PTPRD: variants seen among roughly 807,000 people sequenced by gnomAD.
The protein encoded by PTPRD is protein tyrosine phosphatase receptor type D.
Under a neutral mutation model 214.5 loss-of-function variants are expected in PTPRD, and 34 were observed. The observed-to-expected ratio is 0.16, with a 90% CI of 0.12 to 0.21. The LOEUF (loss-of-function observed/expected upper bound fraction) is 0.21. Among genes scored for constraint, PTPRD ranks in the 10% least tolerant of loss-of-function variants. PTPRD has a pLI of 1.00. For missense variants in PTPRD, 2,545 were observed against 2,398.7 expected, an observed-to-expected ratio of 1.06 and a Z score of -1.27; for synonymous variants, 1,128 against 845.7, an observed-to-expected ratio of 1.33 and a Z score of -5.79.
At chr9:9,120,240 A>C (rs2099816318) in intron 10 of PTPRD, among the ~76,000 whole-genome samples, 1 of 152,330 alleles carries the variant, frequency 6.6e-6, no homozygotes, top group East Asian at 1.9e-4. Context: ...TATTTGAAGA[A>C]AGATGTCATT....
At chr9:9,811,842 G>A (rs894921317) in intron 5 of PTPRD, among the ~76,000 whole-genome samples, 4 of 152,148 alleles carry the variant, frequency 2.6e-5, no homozygotes, top group African/African-American at 9.7e-5. Flanking sequence ...AGTTTGAGGG[G>A]ATTGACTCTA....
At chr9:9,414,048 G>A (rs1433459902) in intron 8 of PTPRD, among the ~76,000 whole-genome samples, 2 of 152,128 alleles carry the variant, frequency 1.3e-5, no homozygotes, top group Non-Finnish European at 2.9e-5. Context: ...GCTCTATTGA[G>A]AATTCACCTC....
chr9:9,162,657 G>A (rs2099892426), intron 10 of PTPRD, among the ~76,000 whole-genome samples: 1 of 151,994 alleles, frequency 6.6e-6, no homozygotes. Context: ...ATTTCATCAT[G>A]CATGGTTTTT....
intron 11 of PTPRD, among the ~76,000 whole-genome samples, chr9:8,766,348 T>A (rs1390811163): frequency 6.6e-6 from 1 of 152,070 alleles, no homozygotes; most frequent in African/African-American, 2.4e-5. Flanking sequence ...TGTCCCAGTG[T>A]CAGTGAGTAA....
At chr9:10,069,007 C>T (rs1021002617) in intron 3 of PTPRD, among the ~76,000 whole-genome samples, 2 of 151,980 alleles carry the variant, frequency 1.3e-5, no homozygotes, top group African/African-American at 2.4e-5. Flanking sequence ...AATCTTTGCC[C>T]TTCAGCAAAA....
intron 3 of PTPRD, among the ~76,000 whole-genome samples, chr9:10,208,683 A>G (rs543530923): frequency 6.6e-6 from 1 of 152,210 alleles, no homozygotes; most frequent in Non-Finnish European, 1.5e-5. Context: ...CATGCCCTGA[A>G]TTTTTGTCAA....
intron 2 of PTPRD, among the ~76,000 whole-genome samples, chr9:10,535,110 A>C (rs1250137035): frequency 2.6e-5 from 4 of 152,138 alleles, no homozygotes; most frequent in Admixed American, 6.6e-5. Context: ...TCAGGAACTG[A>C]CTAATGTGAA....
chr9:9,335,882 T>C (rs111283179), intron 9 of PTPRD, among the ~76,000 whole-genome samples: 21 of 152,178 alleles, frequency 1.4e-4, no homozygotes, highest in African/African-American at 4.8e-4. Context: ...AAATGTAACA[T>C]GTTCAAATAC....
chr9:10,360,876 G>A (rs1351813038), intron 2 of PTPRD, among the ~76,000 whole-genome samples: 1 of 152,148 alleles, frequency 6.6e-6, no homozygotes, highest in Non-Finnish European at 1.5e-5. Context: ...GCCAAGACGG[G>A]CAGATCGCGA....
intron 39 of PTPRD, among the ~76,000 whole-genome samples, chr9:8,372,408 TTA>T (rs2081836519): frequency 6.6e-6 from 1 of 152,066 alleles, no homozygotes. Flanking sequence ...TGTATCTATT[TTA>T]TGTCATCTTA....
intron 8 of PTPRD, among the ~76,000 whole-genome samples, chr9:9,495,477 C>T (rs986824650): frequency 6.6e-6 from 1 of 152,070 alleles, no homozygotes; most frequent in Non-Finnish European, 1.5e-5. Flanking sequence ...AAAAACCCTA[C>T]AGCCCGCCCT....
chr9:8,421,405 C>G (rs1263949530), intron 35 of PTPRD, among the ~76,000 whole-genome samples: 1 of 145,360 alleles, frequency 6.9e-6, no homozygotes, highest in Non-Finnish European at 1.5e-5. Context: ...TTTCTCTCAA[C>G]TTATGCATGT....
At chr9:10,224,510 C>T (rs1020790185) in intron 3 of PTPRD, among the ~76,000 whole-genome samples, 1 of 151,904 alleles carries the variant, frequency 6.6e-6, no homozygotes, top group African/African-American at 2.4e-5. Context: ...TTTAAATTAT[C>T]GTATGATTTT....
chr9:9,881,016 C>A (rs2068511437), intron 5 of PTPRD, among the ~76,000 whole-genome samples: 1 of 152,110 alleles, frequency 6.6e-6, no homozygotes, highest in South Asian at 2.1e-4. Context: ...GGAAACCCTG[C>A]ATTGAAAAAC....
chr9:10,561,257 T>C (rs2063894935), intron 2 of PTPRD, among the ~76,000 whole-genome samples: 1 of 152,182 alleles, frequency 6.6e-6, no homozygotes, highest in South Asian at 2.1e-4. Context: ...AGCACTTATC[T>C]GTCAGGGTCG....
At chr9:9,880,993 C>G (rs561189572) in intron 5 of PTPRD, among the ~76,000 whole-genome samples, 20 of 152,168 alleles carry the variant, frequency 1.3e-4, no homozygotes, top group African/African-American at 4.3e-4. Flanking sequence ...AAGTATTTTG[C>G]ATAGGCACAT....
chr9:8,709,277 G>C (rs2154402611), intron 12 of PTPRD, among the ~76,000 whole-genome samples: 1 of 152,214 alleles, frequency 6.6e-6, no homozygotes, highest in African/African-American at 2.4e-5. Flanking sequence ...CACTTTGGGA[G>C]GCTGAGGTGG....
intron 14 of PTPRD, among the ~76,000 whole-genome samples, chr9:8,544,613 G>A (rs893704706): frequency 1.3e-5 from 2 of 151,550 alleles, no homozygotes; most frequent in African/African-American, 2.4e-5. Context: ...GGGATTACAG[G>A]CGCCAGCCAC....
intron 8 of PTPRD, among the ~76,000 whole-genome samples, chr9:9,484,782 G>C (rs184321527): frequency 6.6e-6 from 1 of 152,196 alleles, no homozygotes; most frequent in African/African-American, 2.4e-5. Flanking sequence ...TCTGGTTCTG[G>C]AGCCTACAGT....
Sources: allele counts gnomAD v4.1 joint callset (sites outside exome capture counted in the v4.1 genomes callset), GRCh38; gene constraint gnomAD v4.1.1; transcripts MANE v1.5; gene names NCBI Gene and HGNC (gene_info 2026-07-23, HGNC 2026-07-21).